The following EXTL3 variants were observed in gnomAD, a reference collection of about 807,000 sequenced individuals.
EXTL3 encodes exostosin like glycosyltransferase 3, also known as exostosin-like 3.
In EXTL3, 27 loss-of-function variants were observed where a neutral mutation model predicts 69.3. The ratio of observed to expected loss-of-function variants is 0.39; its 90% CI spans 0.29 to 0.54. The LOEUF (loss-of-function observed/expected upper bound fraction) is 0.54, where lower values mean the gene tolerates loss of function less well. Among genes scored for constraint, EXTL3 ranks in the 20% least tolerant of loss-of-function variants. EXTL3 has a pLI of 0.69. For missense variants in EXTL3, 1,003 were observed against 1,231.8 expected (o/e 0.81, Z 2.78); for synonymous variants, 511 against 499.4 (o/e 1.02, Z -0.31).
At chr8:28,650,333 G>C (rs1446925700) in intron 1 of EXTL3, among the ~76,000 whole-genome samples, 1 of 151,252 alleles carries the variant, frequency 6.6e-6, no homozygotes, top group Non-Finnish European at 1.5e-5. Flanking sequence ...TAATTGATTG[G>C]TTCAGCACCT....
intron 1 of EXTL3, among the ~76,000 whole-genome samples, chr8:28,707,365 TA>T (rs1181018804): frequency 6.6e-6 from 1 of 152,228 alleles, no homozygotes; most frequent in Middle Eastern, 3.2e-3. Flanking sequence ...GAAATGACAG[TA>T]CTCCCATGTG....
intron 1 of EXTL3, among the ~76,000 whole-genome samples, chr8:28,674,323 T>A (rs978036943): frequency 6.6e-6 from 1 of 152,186 alleles, no homozygotes; most frequent in African/African-American, 2.4e-5. Context: ...TCCTCCCACT[T>A]TGGCCTCCCA....
At chr8:28,612,812 A>C (rs1281736122) in intron 2 of EXTL3, among the ~76,000 whole-genome samples, 1 of 151,998 alleles carries the variant, frequency 6.6e-6, no homozygotes, top group East Asian at 1.9e-4. Flanking sequence ...GCAACCTCCC[A>C]GGCTCAAGCA....
intron 1 of EXTL3, among the ~76,000 whole-genome samples, chr8:28,655,541 A>C (rs1585234005): frequency 7.2e-6 from 1 of 139,374 alleles, no homozygotes; most frequent in Admixed American, 7.8e-5. Context: ...CACAGGCTGG[A>C]GTGCAGTGGC....
intron 1 of EXTL3, among the ~76,000 whole-genome samples, chr8:28,645,278 A>G (rs1806810202): frequency 3.9e-5 from 6 of 152,244 alleles, no homozygotes; most frequent in Non-Finnish European, 1.5e-5. Context: ...CAGCAAGTCT[A>G]CTTCTGGAAA....
chr8:28,717,482 A>G lies in EXTL3; in HGVS notation c.1423A>G (p.Met475Val), dbSNP rs1801185362. The change falls in exon 3 of 7, where the codon ATG (methionine) becomes GTG (valine). Residue 475 changes from methionine to valine, a missense_variant. Around this residue, in one of 2 missense-constraint regions of EXTL3, gnomAD observed 742 missense variants for 815.4 expected, o/e 0.91. Transcript: ENST00000220562. The surrounding 1 kb of genome is among the most constrained non-coding windows in gnomAD (Gnocchi z 8.3). ...GCAGGTCCAGCTTCCCTACCAGGAC[A>G]TGCTGCAGTGGAACGAGGCGGCCCT... ...GEQVQLPYQD[M>V]LQWNEAALVV... The G allele has an allele frequency of 6.2e-7, 1 of 1,614,194 alleles. No individual in the cohort carries two copies. Among genetic ancestry groups the G allele is most frequent in the Non-Finnish European group, 8.5e-7 (1 of 1,180,034 alleles).
chr8:28,711,029 A>G (rs1801021631), intron 1 of EXTL3, among the ~76,000 whole-genome samples: 1 of 152,202 alleles, frequency 6.6e-6, no homozygotes, highest in South Asian at 2.1e-4. Context: ...TGGGATTTTC[A>G]AAAGTATGAA....
chr8:28,680,554 A>G (rs1226754996), intron 1 of EXTL3, among the ~76,000 whole-genome samples: 1 of 151,912 alleles, frequency 6.6e-6, no homozygotes, highest in Non-Finnish European at 1.5e-5. Flanking sequence ...CACATCCATC[A>G]CCTCACATAC....
upstream of EXTL3, among the ~76,000 whole-genome samples, chr8:28,699,126 A>T (rs1800731781): frequency 6.6e-6 from 1 of 152,200 alleles, no homozygotes; most frequent in East Asian, 1.9e-4. Context: ...CCGTGATCGC[A>T]CTACTGCACT....
chr8:28,651,922 A>G (rs889445232), intron 1 of EXTL3, among the ~76,000 whole-genome samples: 9 of 152,172 alleles, frequency 5.9e-5, no homozygotes, highest in East Asian at 3.8e-4. Context: ...ATCATACAGT[A>G]TGGTCCTTTT....
At chr8:28,660,414 A>T (rs1196876783) in intron 1 of EXTL3, among the ~76,000 whole-genome samples, 1 of 152,114 alleles carries the variant, frequency 6.6e-6, no homozygotes, top group Non-Finnish European at 1.5e-5. Flanking sequence ...AAGTGTATGT[A>T]CGTTAAGCTC....
At chr8:28,673,095 C>T (rs113291296) in intron 1 of EXTL3, among the ~76,000 whole-genome samples, 7 of 152,270 alleles carry the variant, frequency 4.6e-5, no homozygotes, top group South Asian at 2.1e-4. Flanking sequence ...TATAAATTAC[C>T]CAGTCTTGGG....
intron 1 of EXTL3, among the ~76,000 whole-genome samples, chr8:28,636,395 C>A (rs1806656466): frequency 6.6e-6 from 1 of 151,670 alleles, no homozygotes; most frequent in African/African-American, 2.4e-5. Flanking sequence ...ACAGATATCT[C>A]ACATGAGCTC....
intron 1 of EXTL3, among the ~76,000 whole-genome samples, chr8:28,709,653 C>T (rs1277508559): frequency 6.6e-6 from 1 of 152,020 alleles, no homozygotes; most frequent in Admixed American, 6.5e-5. Context: ...ATCCCAGATC[C>T]GCAATGGGAA....
At position 28,701,522 on chromosome 8, in the gene EXTL3, G is replaced by C. The variant is rs1800791249; in HGVS notation, c.-707G>C. On this transcript the variant is annotated 5_prime_UTR_variant, in exon 1 of 7. An upstream start codon of the reference 5' UTR is lost. Transcript: ENST00000220562. ...AGTTCCGCAGTCGCCTGTCGGAAAT[G>C]GCTGCCGGCCGGCAGGGGGAGCGGC... 6.6e-6 allele frequency: 1 copy of C among 152,588 alleles called. No homozygotes were observed. Among genetic ancestry groups the C allele is most frequent in the Non-Finnish European group, 1.5e-5 (1 of 67,928 alleles). The allele number at this position is 152,588 out of a possible 1,614,324, so 9.5% of individuals were successfully genotyped here.
chr8:28,686,589 T>C (rs1278814138), intron 1 of EXTL3, among the ~76,000 whole-genome samples: 2 of 152,154 alleles, frequency 1.3e-5, no homozygotes, highest in Non-Finnish European at 2.9e-5. Context: ...AACTTACCAC[T>C]TATGTTAAGG....
intron 3 of EXTL3, among the ~76,000 whole-genome samples, chr8:28,729,215 A>AACTCAGAGGGCAGAG: frequency 6.9e-6 from 1 of 145,406 alleles, no homozygotes; most frequent in South Asian, 2.2e-4. Flanking sequence ...GGATCACTTG[A>AACTCAGAGGGCAGAG]GCCTGGCAGG....
intron 2 of EXTL3, among the ~76,000 whole-genome samples, chr8:28,608,463 G>A (rs1806232336): frequency 6.6e-6 from 1 of 152,104 alleles, no homozygotes; most frequent in South Asian, 2.1e-4. Flanking sequence ...TTTGTTGACA[G>A]CCAAAGAGTT....
upstream of EXTL3, among the ~76,000 whole-genome samples, chr8:28,621,484 C>T (rs183844296): frequency 6.6e-6 from 1 of 152,088 alleles, no homozygotes; most frequent in Non-Finnish European, 1.5e-5. Context: ...CTGATTTAGC[C>T]CCCTAGCTTA....
Sources: gnomAD v4.1 joint callset for allele counts (sites outside exome capture counted in the v4.1 genomes callset) on GRCh38, gnomAD v4.1.1 for gene constraint, gnomAD v4.1.1 regional missense constraint, Gnocchi (gnomAD v3.1) non-coding constraint, MANE v1.5 for transcripts, NCBI Gene and HGNC (gene_info 2026-07-23, HGNC 2026-07-21) for gene names.